TTC27: variants seen among roughly 807,000 people sequenced by gnomAD.
TTC27 encodes the protein tetratricopeptide repeat domain 27.
TTC27 carries 79 observed loss-of-function variants against 115.9 expected under a neutral mutation model. The ratio of observed to expected loss-of-function variants is 0.68; its 90% CI spans 0.57 to 0.82. The LOEUF (loss-of-function observed/expected upper bound fraction) is 0.82, where lower values mean the gene tolerates loss of function less well. TTC27 is among the 40% of genes least tolerant of loss of function. The pLI is 0.00. For synonymous variants in TTC27, 401 were observed against 356.0 expected (o/e 1.13, Z -1.42); for missense variants, 1,054 against 993.1 (o/e 1.06, Z -0.82).
intron 13 of TTC27, among the ~76,000 whole-genome samples, chr2:32,762,182 G>A (rs1669457619): frequency 6.6e-6 from 1 of 152,192 alleles, no homozygotes; most frequent in South Asian, 2.1e-4. Context: ...GGCTTTGAAA[G>A]ACAGGTAGGA....
intron 10 of TTC27, among the ~76,000 whole-genome samples, chr2:32,712,775 G>A (rs542434991): frequency 6.6e-6 from 1 of 152,192 alleles, no homozygotes; most frequent in East Asian, 1.9e-4. Flanking sequence ...TTGAACTCCT[G>A]GGCTTAAGCT....
At chr2:32,759,278 C>A (rs562610603) in intron 13 of TTC27, among the ~76,000 whole-genome samples, 2 of 152,280 alleles carry the variant, frequency 1.3e-5, no homozygotes, top group East Asian at 3.9e-4. Flanking sequence ...GCTGTAATCA[C>A]CAGTTAAAAT....
intron 10 of TTC27, among the ~76,000 whole-genome samples, chr2:32,731,178 T>C (rs1668280402): frequency 6.6e-6 from 1 of 152,060 alleles, no homozygotes; most frequent in Non-Finnish European, 1.5e-5. Context: ...CACTGCAACC[T>C]CCGCCTCCTG....
chr2:32,757,105 TAA>T (rs1669260048), intron 12 of TTC27, among the ~76,000 whole-genome samples: 2 of 152,194 alleles, frequency 1.3e-5, no homozygotes, highest in African/African-American at 4.8e-5. Flanking sequence ...TGTAGTTTGA[TAA>T]AGAGGTAGGT....
At chr2:32,806,033 A>G (rs1221216984) in intron 16 of TTC27, among the ~76,000 whole-genome samples, 1 of 152,150 alleles carries the variant, frequency 6.6e-6, no homozygotes, top group Non-Finnish European at 1.5e-5. Flanking sequence ...TATTTCAGTG[A>G]CAACCCATCC....
intron 13 of TTC27, among the ~76,000 whole-genome samples, chr2:32,770,136 G>C (rs1362101107): frequency 6.6e-6 from 1 of 152,130 alleles, no homozygotes; most frequent in Non-Finnish European, 1.5e-5. Context: ...GCAGTTTCTT[G>C]GTAACTATCA....
At chr2:32,698,836 T>C (rs986666009) in intron 9 of TTC27, among the ~76,000 whole-genome samples, 12 of 152,188 alleles carry the variant, frequency 7.9e-5, no homozygotes, top group Non-Finnish European at 1.6e-4. Context: ...GTTTCTGAGC[T>C]GCATTACAAA....
chr2:32,777,902 C>T lies in TTC27; in HGVS notation c.1701C>T (p.Leu567=), dbSNP rs540008272. 20 of 1,613,876 alleles carry T rather than the reference C, an allele frequency of 1.2e-5. No individual in the cohort carries two copies. Among genetic ancestry groups the T allele is most frequent in the African/African-American group, 1.1e-4 (8 of 74,896 alleles). ...TGCAGCTCGGGGTGTGGTTTTCTCT[C>T]GGTTGTGCCTATTTGGCCTTGGAAG... The part of the protein sequence containing the change: ...NPMQLGVWFS[L]GCAYLALEDY... Residue 567 remains leucine (L), a synonymous_variant, in exon 14 of 20, where the codon CTC becomes CTT. Coordinates refer to ENST00000317907, the MANE Select transcript of TTC27 (RefSeq NM_017735.5).
At chr2:32,750,602 G>A (rs971509) in intron 12 of TTC27, among the ~76,000 whole-genome samples, 124,651 of 152,234 alleles carry the variant, frequency 0.82, 51,115 homozygotes, top group Middle Eastern at 0.91. Flanking sequence ...AAGTAGCAAC[G>A]TACTAGCAGG....
intron 6 of TTC27, among the ~76,000 whole-genome samples, chr2:32,665,012 T>C (rs1018534065): frequency 6.6e-6 from 1 of 151,636 alleles, no homozygotes. Context: ...TTTTTTATTT[T>C]TTTTTTGTAT....
chr2:32,641,272 G>T (rs1455021328), intron 4 of TTC27, among the ~76,000 whole-genome samples: 1 of 152,200 alleles, frequency 6.6e-6, no homozygotes, highest in East Asian at 1.9e-4. Flanking sequence ...GTTTAGTGGA[G>T]GTTGTCAGCC....
intron 5 of TTC27, among the ~76,000 whole-genome samples, chr2:32,657,353 CT>C (rs988569906): frequency 0.031 from 3,952 of 128,270 alleles, 128 homozygotes; most frequent in African/African-American, 0.11. Context: ...CACTGTCTTT[CT>C]TTTTTTTTTT....
At chr2:32,696,109 G>A (rs1303398288) in intron 9 of TTC27, among the ~76,000 whole-genome samples, 1 of 148,576 alleles carries the variant, frequency 6.7e-6, no homozygotes, top group Non-Finnish European at 1.5e-5. Flanking sequence ...GGGTGACAGA[G>A]CGAGACTCTA....
intron 16 of TTC27, among the ~76,000 whole-genome samples, chr2:32,790,579 A>G (rs1011810646): frequency 2.0e-5 from 3 of 152,152 alleles, no homozygotes; most frequent in African/African-American, 7.2e-5. Flanking sequence ...TTATGGTGAC[A>G]TATTTGACAT....
chr2:32,723,578 T>C (rs986757891), intron 10 of TTC27, among the ~76,000 whole-genome samples: 2 of 152,108 alleles, frequency 1.3e-5, no homozygotes, highest in Non-Finnish European at 2.9e-5. Flanking sequence ...TAAGGTGTTA[T>C]TGAGGGCCAA....
chr2:32,747,832 T>C (rs1668880450), intron 12 of TTC27, among the ~76,000 whole-genome samples: 1 of 152,190 alleles, frequency 6.6e-6, no homozygotes, highest in Non-Finnish European at 1.5e-5. Flanking sequence ...TATTTCCCTG[T>C]AATCCTTTTT....
intron 10 of TTC27, among the ~76,000 whole-genome samples, chr2:32,730,516 A>T (rs1182247683): frequency 6.7e-6 from 1 of 150,040 alleles, no homozygotes; most frequent in Non-Finnish European, 1.5e-5. Context: ...CACTATAACA[A>T]TGTCCCTGTC....
At chr2:32,765,517 C>T (rs551510583) in intron 13 of TTC27, among the ~76,000 whole-genome samples, 134 of 152,168 alleles carry the variant, frequency 8.8e-4, no homozygotes, top group Non-Finnish European at 1.7e-3. Context: ...GTGGGATTTT[C>T]GGGTGGTGAA....
Position 32,790,051 on chromosome 2 carries a change from A to T in TTC27, c.1998+2902A>T, listed in dbSNP as rs192598292. Among the ~76,000 whole-genome samples, 1,407 of 152,034 alleles carry T rather than the reference A, an allele frequency of 9.3e-3. 17 individuals are homozygous for T. The highest frequency in any genetic ancestry group is 0.032 in the African/African-American group (1,328 of 41,472). ...AAAAGAAAAAAAAAATCTAAAAAAA[A>T]TAGCTATATTTTCCTAGTATGAATT... On this transcript the variant is annotated intron_variant, in intron 16 of 19. Coordinates refer to ENST00000317907, the MANE Select transcript of TTC27 (RefSeq NM_017735.5).
Sources: gnomAD v4.1 joint callset for allele counts (sites outside exome capture counted in the v4.1 genomes callset) on GRCh38, gnomAD v4.1.1 for gene constraint, MANE v1.5 for transcripts, NCBI Gene and HGNC (gene_info 2026-07-23, HGNC 2026-07-21) for gene names.